Variants in HMCES observed in about 807,000 individuals in gnomAD.
HMCES encodes 5-hydroxymethylcytosine binding, ES cell specific.
Under a neutral mutation model 35.1 loss-of-function variants are expected in HMCES, and 27 were observed. The observed-to-expected ratio is 0.77, with a 90% CI of 0.57 to 1.06. The LOEUF is 1.06. HMCES is among the 50% of genes least tolerant of loss of function. The pLI is 0.00. For synonymous variants in HMCES, 130 were observed against 154.7 expected (o/e 0.84, Z 1.18); for missense variants, 391 against 430.4 (o/e 0.91, Z 0.81).
chr3:129,291,382 C>T (rs981116865), intron 4 of HMCES, among the ~76,000 whole-genome samples: 1 of 152,198 alleles, frequency 6.6e-6, no homozygotes, highest in African/African-American at 2.4e-5. Flanking sequence ...AGCAATCACT[C>T]TTTATTCTCC....
chr3:129,303,137 A>G (rs2071190778), intron 6 of HMCES, among the ~76,000 whole-genome samples: 1 of 152,144 alleles, frequency 6.6e-6, no homozygotes, highest in South Asian at 2.1e-4. Flanking sequence ...TAGGAAGGGA[A>G]GGCAAACAAA....
intron 3 of HMCES, 39 bp downstream of exon 3, chr3:129,289,036 G>A: frequency 6.8e-7 from 1 of 1,474,502 alleles, no homozygotes; most frequent in Middle Eastern, 1.9e-4. Context: ...GTATACCTCA[G>A]AAATAAGGTT....
chr3:129,302,428 C>T (rs1362159533), intron 6 of HMCES, among the ~76,000 whole-genome samples: 1 of 152,134 alleles, frequency 6.6e-6, no homozygotes, highest in African/African-American at 2.4e-5. Context: ...AATTAAGAAG[C>T]TTCAGGCTGG....
In HMCES at chr3:129,279,731, G is replaced by C. The variant is rs1164402188; in HGVS notation, c.-2G>C. 1 of 1,612,804 alleles carries C rather than the reference G, an allele frequency of 6.2e-7. No individual in the cohort carries two copies. The highest frequency in any genetic ancestry group is 1.3e-5 in the African/African-American group (1 of 75,016). On this transcript the variant is annotated 5_prime_UTR_variant, in exon 2 of 7. Transcript: ENST00000383463. This position sits in a 1 kb window ranked among gnomAD's most constrained non-coding sequence, Gnocchi z 4.2. ...AAAGGTTGCGAGGGGCGGTGTTGAA[G>C]AATGTGTGGGCGAACATCCTGTCAC...
At chr3:129,291,662 T>C (rs1241133495) in intron 4 of HMCES, among the ~76,000 whole-genome samples, 2 of 152,256 alleles carry the variant, frequency 1.3e-5, no homozygotes, top group African/African-American at 2.4e-5. Context: ...ATAATGCTGC[T>C]ATGAACATTC....
At position 129,279,787 on chromosome 3, in the gene HMCES, G is replaced by T; in HGVS notation, c.55G>T (p.Ala19Ser). The T allele has an allele frequency of 6.2e-7, 1 of 1,613,726 alleles. No individual in the cohort carries two copies. The highest frequency in any genetic ancestry group is 8.5e-7 in the Non-Finnish European group (1 of 1,179,846). The change falls in exon 2 of 7, where the codon GCC (alanine) becomes TCC (serine). Residue 19 changes from alanine to serine, a missense_variant. By Grantham distance (99) the Ala-to-Ser change is moderately conservative. Coordinates refer to ENST00000383463, the MANE Select transcript of HMCES (RefSeq NM_020187.3). The surrounding 1 kb of genome is among the most constrained non-coding windows in gnomAD (Gnocchi z 4.2). ...TAGAGATGTTCTCACGAGAGCTTGC[G>T]CCTACCAGGATCGGCGGGGCCAGCA... ...LPRDVLTRAC[A>S]YQDRRGQQRL... is the part of the protein sequence containing the mutation.
In HMCES at chr3:129,301,916, C is replaced by T. The variant is rs2071173392; in HGVS notation, c.636-34C>T. On this transcript the variant is annotated intron_variant, in intron 5 of 6. Transcript: ENST00000383463. ...CCTTCTCTCCTTATTCTCATGCTAC[C>T]TCTCCCAACCATTGTCTTAACTTCC... The T allele has an allele frequency of 6.5e-6, 10 of 1,543,508 alleles. No homozygotes were observed. The South Asian group carries it at 1.2e-4, about 18-fold the overall frequency.
At chr3:129,288,056 C>CA (rs545251733) in intron 2 of HMCES, among the ~76,000 whole-genome samples, 27 of 145,002 alleles carry the variant, frequency 1.9e-4, no homozygotes, top group African/African-American at 4.6e-4. Context: ...GACTCCGTCT[C>CA]AAAAAAAAAT....
intron 3 of HMCES, among the ~76,000 whole-genome samples, chr3:129,289,569 C>G (rs983028200): frequency 6.6e-6 from 1 of 151,992 alleles, no homozygotes; most frequent in Non-Finnish European, 1.5e-5. Flanking sequence ...GAGACAAGGT[C>G]TGGCTATGTT....
intron 5 of HMCES, among the ~76,000 whole-genome samples, chr3:129,299,168 C>A (rs571224220): frequency 9.9e-5 from 15 of 152,270 alleles, no homozygotes; most frequent in African/African-American, 3.4e-4. Flanking sequence ...TACATACATA[C>A]ATACTACAAT....
chr3:129,291,757 C>T (rs931640192), intron 4 of HMCES, among the ~76,000 whole-genome samples: 5 of 152,166 alleles, frequency 3.3e-5, no homozygotes, highest in Admixed American at 6.5e-5. Flanking sequence ...TACAACTCTA[C>T]GTTTAACATT....
At position 129,305,083 on chromosome 3, in the gene HMCES, C is replaced by T; in HGVS notation, c.*258C>T. The T allele has an allele frequency of 1.9e-6, 1 of 525,072 alleles. No individual in the cohort carries two copies. The highest frequency in any genetic ancestry group is 3.4e-6 in the Non-Finnish European group (1 of 294,554). 32.5% of individuals were successfully genotyped at this position (525,072 alleles called of 1,614,324 possible). On this transcript the variant is annotated 3_prime_UTR_variant, in exon 7 of 7. Transcript: ENST00000383463. ...CACTGCGCCTGCTGCCCTTTCCTGG[C>T]AGGGCTGGTGGAGTCTTCCCTCAAA...
At position 129,279,622 on chromosome 3, in the gene HMCES, G is replaced by A. The variant is rs1576975365; in HGVS notation, c.-23-88G>A. 1 of 1,326,194 alleles carries A rather than the reference G, an allele frequency of 7.5e-7. No homozygotes were observed. Among genetic ancestry groups the A allele is most frequent in the East Asian group, 2.5e-5 (1 of 40,066 alleles). 82.2% of individuals were successfully genotyped at this position (1,326,194 alleles called of 1,614,324 possible). On this transcript the variant is annotated intron_variant, in intron 1 of 6. Transcript: ENST00000383463. This position sits in a 1 kb window ranked among gnomAD's most constrained non-coding sequence, Gnocchi z 4.2. ...TGGTCACGGAGGGGCACGGCCCTGT[G>A]GGAACGGAAAGAGAAGGCGGGGACT...
Position 129,304,882 on chromosome 3 carries a change from G to GAACC in HMCES, c.*57_*58insAACC. On this transcript the variant is annotated 3_prime_UTR_variant, in exon 7 of 7. Coordinates refer to ENST00000383463, the MANE Select transcript of HMCES (RefSeq NM_020187.3). ...TGCTGCACTGCTGTTCTGATAATAG[G>GAACC]TTCTTAACATTGTATGTATATGTGT... 7.4e-7 allele frequency: 1 copy of GAACC among 1,344,004 alleles called. No homozygotes were observed. Among genetic ancestry groups the GAACC allele is most frequent in the South Asian group, 1.2e-5 (1 of 85,006 alleles). The allele number at this position is 1,344,004 out of a possible 1,614,324, so 83.3% of individuals were successfully genotyped here. A position where few individuals can be genotyped will look rare whatever the true frequency, so the allele number is the denominator to read the frequency against.
Position 129,279,821 on chromosome 3 carries a change from C to T in HMCES, c.89C>T (p.Pro30Leu), listed in dbSNP as rs1216754890. Reference sequence around the variant, plus strand: ...GATCGGCGGGGCCAGCAGCGGCTCCCGGAGTGGAGGGACCCTGATAAGTAC... The same window carrying T: ...GATCGGCGGGGCCAGCAGCGGCTCCTGGAGTGGAGGGACCCTGATAAGTAC... ...YQDRRGQQRL[P>L]EWRDPDKYCP... Residue 30 changes from proline (P) to leucine (L), a missense_variant, in exon 2 of 7, where the codon CCG becomes CTG. Physicochemically the swap from Pro to Leu is moderately conservative, Grantham distance 98. Transcript: ENST00000383463. The surrounding 1 kb of genome is among the most constrained non-coding windows in gnomAD (Gnocchi z 4.2). 3.7e-6 allele frequency: 6 copies of T among 1,613,602 alleles called. No homozygotes were observed. Among genetic ancestry groups the T allele is most frequent in the Non-Finnish European group, 3.4e-6 (4 of 1,179,852 alleles).
intron 2 of HMCES, among the ~76,000 whole-genome samples, chr3:129,283,465 G>A (rs936383159): frequency 1.9e-4 from 29 of 151,340 alleles, no homozygotes; most frequent in African/African-American, 7.0e-4. Flanking sequence ...CCCAGCAGCT[G>A]GGATCACAGG....
At position 129,305,946 on chromosome 3, in the gene HMCES, C is replaced by A. The variant is rs544066733; in HGVS notation, c.*1121C>A. The A allele has an allele frequency of 6.6e-6, 1 of 152,304 alleles. No homozygotes were observed. The highest frequency in any genetic ancestry group is 1.5e-5 in the Non-Finnish European group (1 of 68,118). The allele number at this position is 152,304 out of a possible 1,614,324, so 9.4% of individuals were successfully genotyped here. On this transcript the variant is annotated 3_prime_UTR_variant, in exon 7 of 7. Transcript: ENST00000383463. ...CCCGCCCAGACCCTTTCCCGAGGTC[C>A]GCCCTCTCCGCCTTTTCTCTAAATT...
intron 2 of HMCES, among the ~76,000 whole-genome samples, chr3:129,281,396 AATAAAG>A (rs1940477187): frequency 6.6e-6 from 1 of 152,148 alleles, no homozygotes; most frequent in Non-Finnish European, 1.5e-5. Context: ...ATCATTTTGA[AATAAAG>A]ATAACAGGCT....
At chr3:129,288,749 G>C (rs539026939) in intron 2 of HMCES, 105 bp from the exon 3 acceptor site, 1 of 933,332 alleles carries the variant, frequency 1.1e-6, no homozygotes, top group African/African-American at 1.7e-5. Context: ...AAATAATCTT[G>C]AATTCTTTAT....
Sources: allele counts gnomAD v4.1 joint callset (sites outside exome capture counted in the v4.1 genomes callset), GRCh38; gene constraint gnomAD v4.1.1; non-coding constraint Gnocchi (gnomAD v3.1); transcripts MANE v1.5; gene names NCBI Gene and HGNC (gene_info 2026-07-23, HGNC 2026-07-21).